PDE3B: variants seen among roughly 807,000 people sequenced by gnomAD.
The protein encoded by PDE3B is cGMP-inhibited 3',5'-cyclic phosphodiesterase 3B.
PDE3B carries 66 observed loss-of-function variants against 116.8 expected under a neutral mutation model. The observed-to-expected ratio is 0.56, with a 90% CI of 0.46 to 0.69. PDE3B has a LOEUF of 0.69. PDE3B is among the 30% of genes least tolerant of loss of function. The pLI is 0.00. For missense variants in PDE3B, 1,384 were observed against 1,368.1 expected (o/e 1.01, Z -0.18); for synonymous variants, 595 against 533.6 (o/e 1.12, Z -1.59).
chr11:14,790,629 T>G (rs899163776), intron 4 of PDE3B, among the ~76,000 whole-genome samples: 5 of 152,062 alleles, frequency 3.3e-5, no homozygotes, highest in African/African-American at 1.2e-4. Flanking sequence ...CTGAAAAGTG[T>G]TTATTATATA....
intron 1 of PDE3B, among the ~76,000 whole-genome samples, chr11:14,683,009 C>T (rs1854758144): frequency 6.6e-6 from 1 of 151,378 alleles, no homozygotes; most frequent in Non-Finnish European, 1.5e-5. Context: ...ATGATCTCAG[C>T]TCACCACAAC....
At chr11:14,664,101 G>C (rs140748125) in intron 1 of PDE3B, among the ~76,000 whole-genome samples, 3,166 of 152,210 alleles carry the variant, frequency 0.021, 113 homozygotes, top group African/African-American at 0.073. Context: ...TAGAGCTCAG[G>C]ATTAAGAATC....
chr11:14,747,538 T>C (rs755964998), intron 1 of PDE3B, among the ~76,000 whole-genome samples: 1 of 152,210 alleles, frequency 6.6e-6, no homozygotes, highest in South Asian at 2.1e-4. Flanking sequence ...CTGTTATTCA[T>C]TGTGGTTGAC....
rs146876665 is a variant in PDE3B at position 14,697,720 on chromosome 11, T to C, written c.978+52667T>C. 1.2e-3 allele frequency among the ~76,000 whole-genome samples: 178 copies of C among 152,300 alleles called. 1 individual carries two copies. Among genetic ancestry groups the C allele is most frequent in the African/African-American group, 4.1e-3 (171 of 41,592 alleles). ...AGTCTTTTGAACCATGAGCATGATA[T>C]ATTTCTCCATTTATTTACATCTTAA... On this transcript the variant is annotated intron_variant, in intron 1 of 15. Coordinates refer to ENST00000282096, the MANE Select transcript of PDE3B (RefSeq NM_000922.4).
intron 1 of PDE3B, among the ~76,000 whole-genome samples, chr11:14,661,688 G>A (rs530031950): frequency 6.6e-5 from 10 of 152,292 alleles, no homozygotes; most frequent in African/African-American, 1.7e-4. Context: ...CCTAGCCCAC[G>A]GAGTCTCACT....
Position 14,723,598 on chromosome 11 carries a change from T to A in PDE3B, c.979-48339T>A, listed in dbSNP as rs541751118. Among the ~76,000 whole-genome samples, 10 of 150,292 alleles carry A rather than the reference T, an allele frequency of 6.7e-5. No individual in the cohort carries two copies. In the East Asian group the frequency reaches 7.8e-4, roughly 12 times the overall value. On this transcript the variant is annotated intron_variant, in intron 1 of 15. Transcript: ENST00000282096. Reference sequence around the variant, plus strand: ...GTGAGACCCTGCTGCTACACAAATTTAAAAAAAAACCCATTAGCTGGGAAT... The same window carrying A: ...GTGAGACCCTGCTGCTACACAAATTAAAAAAAAAACCCATTAGCTGGGAAT...
intron 9 of PDE3B, 147 bp from the exon 10 acceptor site, chr11:14,832,571 GAATT>G (rs1237397063): frequency 2.6e-6 from 1 of 387,636 alleles, no homozygotes; most frequent in Non-Finnish European, 4.7e-6. Flanking sequence ...TTTTTTGAAA[GAATT>G]AATTGTAGGC....
intron 1 of PDE3B, among the ~76,000 whole-genome samples, chr11:14,682,576 A>G (rs558734841): frequency 1.3e-5 from 2 of 152,154 alleles, no homozygotes; most frequent in Non-Finnish European, 2.9e-5. Context: ...TTTTGCATCA[A>G]TATGATCATG....
At chr11:14,652,020 A>G (rs1853586796) in intron 1 of PDE3B, among the ~76,000 whole-genome samples, 1 of 152,204 alleles carries the variant, frequency 6.6e-6, no homozygotes, top group East Asian at 1.9e-4. Context: ...TGTCATATCA[A>G]ATAAATCACT....
At chr11:14,857,257 G>A (rs1413020724) in intron 12 of PDE3B, among the ~76,000 whole-genome samples, 1 of 152,224 alleles carries the variant, frequency 6.6e-6, no homozygotes, top group African/African-American at 2.4e-5. Context: ...CTCCAAATGA[G>A]CTGGGACCCT....
intron 1 of PDE3B, among the ~76,000 whole-genome samples, chr11:14,736,066 C>T (rs950632977): frequency 1.5e-4 from 22 of 149,360 alleles, no homozygotes; most frequent in African/African-American, 5.4e-4. Context: ...TCTAGTTTTA[C>T]CTGTGCTCTT....
At chr11:14,875,365 G>A (rs782586812), downstream of PDE3B, among the ~76,000 whole-genome samples, 5 of 152,088 alleles carry the variant, frequency 3.3e-5, no homozygotes, top group Non-Finnish European at 7.4e-5. Context: ...CCCTCAACCC[G>A]TATTCTCAAT....
intron 1 of PDE3B, among the ~76,000 whole-genome samples, chr11:14,760,426 C>T (rs1228295694): frequency 6.6e-6 from 1 of 152,120 alleles, no homozygotes; most frequent in Non-Finnish European, 1.5e-5. Context: ...CAGACCTCGA[C>T]CTCCTGGAGA....
chr11:14,843,928 G>C lies in PDE3B; in HGVS notation c.2422G>C (p.Ala808Pro). Reference protein sequence around the residue: ...SYGCLSSNIPALELMALYVAA... With the variant: ...SYGCLSSNIPPLELMALYVAA... Reference sequence around the variant, plus strand: ...TGGCTGCCTGTCTTCAAACATTCCTGCATTAGAATTGATGGCTCTATACGT... The same window carrying C: ...TGGCTGCCTGTCTTCAAACATTCCTCCATTAGAATTGATGGCTCTATACGT... Residue 808 changes from alanine to proline, a missense_variant, in exon 12 of 16, where the codon GCA becomes CCA. Ala to Pro is a conservative substitution (Grantham distance 27). This residue lies in a region of PDE3B where 428 missense variants were observed against 561.4 expected (regional missense o/e 0.76). Coordinates refer to ENST00000282096, the MANE Select transcript of PDE3B (RefSeq NM_000922.4). 6.2e-7 allele frequency: 1 copy of C among 1,614,008 alleles called. No homozygotes were observed. The highest frequency in any genetic ancestry group is 8.5e-7 in the Non-Finnish European group (1 of 1,179,900).
intron 11 of PDE3B, among the ~76,000 whole-genome samples, chr11:14,838,508 T>C (rs1240812411): frequency 1.3e-5 from 2 of 152,186 alleles, no homozygotes; most frequent in East Asian, 1.9e-4. Flanking sequence ...TCCTGCTGAT[T>C]CTTCATGCTG....
At chr11:14,812,912 G>A (rs866806310) in intron 5 of PDE3B, among the ~76,000 whole-genome samples, 5 of 152,086 alleles carry the variant, frequency 3.3e-5, no homozygotes, top group Admixed American at 6.6e-5. Flanking sequence ...ATGTGATTAG[G>A]TCATGTGAGT....
chr11:14,805,783 T>C (rs1298412865), intron 5 of PDE3B, among the ~76,000 whole-genome samples: 3 of 152,088 alleles, frequency 2.0e-5, no homozygotes, highest in Admixed American at 2.0e-4. Context: ...TAAGGCTAAA[T>C]AGATGGGTGA....
At chr11:14,709,364 C>A (rs1315981313) in intron 1 of PDE3B, among the ~76,000 whole-genome samples, 1 of 152,026 alleles carries the variant, frequency 6.6e-6, no homozygotes, top group Non-Finnish European at 1.5e-5. Flanking sequence ...TTAAAAAAAT[C>A]TCTGAAATCA....
intron 1 of PDE3B, among the ~76,000 whole-genome samples, chr11:14,709,231 T>A (rs1265371752): frequency 1.3e-5 from 2 of 152,132 alleles, no homozygotes; most frequent in Non-Finnish European, 2.9e-5. Context: ...TTGGAGAAGG[T>A]AAATTTAGTA....
Sources: allele counts gnomAD v4.1 joint callset (sites outside exome capture counted in the v4.1 genomes callset), GRCh38; gene constraint gnomAD v4.1.1; regional missense constraint gnomAD v4.1.1; transcripts MANE v1.5; gene names NCBI Gene and HGNC (gene_info 2026-07-23, HGNC 2026-07-21).